The following GALNT13 variants were observed in gnomAD, a reference collection of about 807,000 sequenced individuals.
GALNT13 encodes the protein UDP-GalNAc:polypeptide N-acetylgalactosaminyltransferase 13.
A neutral mutation model predicts 64.2 loss-of-function variants in GALNT13; 28 were observed. The ratio of observed to expected loss-of-function variants is 0.44; its 90% CI spans 0.32 to 0.60. The LOEUF is 0.60. GALNT13 is among the 20% of genes least tolerant of loss of function. The pLI is 0.05. For missense variants in GALNT13, 577 were observed against 669.8 expected, an observed-to-expected ratio of 0.86 and a Z score of 1.53; for synonymous variants, 214 against 224.6, an observed-to-expected ratio of 0.95 and a Z score of 0.42.
At chr2:153,820,845 A>G in the GALNT13 span, among the ~76,000 whole-genome samples, 1 of 152,158 alleles carries the variant, frequency 6.6e-6, no homozygotes, top group Non-Finnish European at 1.5e-5. Flanking sequence ...TGACAAAAGG[A>G]TCAAAACCTT....
intron 1 of GALNT13, among the ~76,000 whole-genome samples, chr2:153,893,881 A>G (rs1687724090): frequency 6.6e-6 from 1 of 152,070 alleles, no homozygotes; most frequent in South Asian, 2.1e-4. Context: ...TGGAAGTGGA[A>G]TGGGTCAAAA....
chr2:153,336,107 C>G, the GALNT13 span, among the ~76,000 whole-genome samples: 1 of 152,172 alleles, frequency 6.6e-6, no homozygotes, highest in South Asian at 2.1e-4. Context: ...TATGATAATG[C>G]CTGGATGCCC....
intron 7 of GALNT13, among the ~76,000 whole-genome samples, chr2:154,250,579 A>G (rs1690015545): frequency 6.6e-6 from 1 of 152,034 alleles, no homozygotes; most frequent in African/African-American, 2.4e-5. Context: ...TATTCCTGAC[A>G]CCTTCTGCCA....
intron 4 of GALNT13, among the ~76,000 whole-genome samples, chr2:154,195,332 A>T (rs1264299882): frequency 6.6e-6 from 1 of 152,160 alleles, no homozygotes; most frequent in African/African-American, 2.4e-5. Context: ...GTGCTATTAA[A>T]AACAGTTTTT....
intron 9 of GALNT13, among the ~76,000 whole-genome samples, chr2:154,333,561 G>A (rs1695281840): frequency 6.6e-6 from 1 of 152,060 alleles, no homozygotes; most frequent in Admixed American, 6.6e-5. Context: ...AAAACAAATT[G>A]CACATCTTCA....
chr2:153,914,200 C>T (rs987593793), intron 2 of GALNT13, among the ~76,000 whole-genome samples: 3 of 152,156 alleles, frequency 2.0e-5, no homozygotes, highest in Admixed American at 2.0e-4. Context: ...GAAGAATGAA[C>T]ATTCTGCTCT....
chr2:153,224,340 G>T, the GALNT13 span, among the ~76,000 whole-genome samples: 2 of 152,062 alleles, frequency 1.3e-5, no homozygotes, highest in Admixed American at 1.3e-4. Context: ...GGGGAAGGGG[G>T]TGGGGAGGAG....
chr2:153,532,365 G>A, the GALNT13 span, among the ~76,000 whole-genome samples: 3 of 152,112 alleles, frequency 2.0e-5, no homozygotes, highest in Non-Finnish European at 2.9e-5. Flanking sequence ...GATGCAGGAA[G>A]CTGTGTCCCA....
chr2:154,445,879 T>A (rs1272715053), intron 12 of GALNT13: 1 of 1,181,490 alleles, frequency 8.5e-7, no homozygotes. Context: ...TCCTGGAGCT[T>A]ATGTTCCTAT....
At chr2:153,170,652 A>T in the GALNT13 span, among the ~76,000 whole-genome samples, 3 of 152,222 alleles carry the variant, frequency 2.0e-5, no homozygotes. Context: ...GGCTAAACAC[A>T]GGCTTTCTGA....
At position 154,139,910 on chromosome 2, in the gene GALNT13, A is replaced by T. The variant is rs1466123768; in HGVS notation, c.143-427A>T. Among the ~76,000 whole-genome samples the T allele has an allele frequency of 2.0e-5, 3 of 152,142 alleles. No homozygotes were observed. In the East Asian group the frequency reaches 5.8e-4, roughly 29 times the overall value. ...TTTAGTTTTGTTTGCCTTTATAAAG[A>T]TGTAATGGCAGTAGATATGTGAAAT... is the stretch of plus-strand genomic sequence containing the variant. On this transcript the variant is annotated intron_variant, in intron 3 of 12. Coordinates refer to ENST00000392825, the MANE Select transcript of GALNT13 (RefSeq NM_052917.4).
At chr2:154,146,243 TAAC>T (rs1683595052) in intron 4 of GALNT13, among the ~76,000 whole-genome samples, 1 of 151,752 alleles carries the variant, frequency 6.6e-6, no homozygotes, top group African/African-American at 2.4e-5. Context: ...TGGGGGATAA[TAAC>T]ACTGTTACAC....
chr2:153,407,214 CAG>C, the GALNT13 span, among the ~76,000 whole-genome samples: 1 of 152,092 alleles, frequency 6.6e-6, no homozygotes, highest in Non-Finnish European at 1.5e-5. Context: ...CCTCCAGAAA[CAG>C]AAACTCAGGA....
chr2:153,339,623 T>C, the GALNT13 span, among the ~76,000 whole-genome samples: 1 of 152,190 alleles, frequency 6.6e-6, no homozygotes, highest in African/African-American at 2.4e-5. Flanking sequence ...TTTAATGCAA[T>C]CCATTTGTTT....
chr2:153,811,529 T>C, the GALNT13 span, among the ~76,000 whole-genome samples: 28 of 152,318 alleles, frequency 1.8e-4, no homozygotes, highest in African/African-American at 6.5e-4. Flanking sequence ...TTTACATGTA[T>C]TTTCGTATTA....
At chr2:153,475,745 C>A in the GALNT13 span, among the ~76,000 whole-genome samples, 28 of 152,090 alleles carry the variant, frequency 1.8e-4, no homozygotes, top group African/African-American at 6.5e-4. Flanking sequence ...CGAATTCTAC[C>A]AGAGTACTGG....
At chr2:153,254,778 T>G in the GALNT13 span, among the ~76,000 whole-genome samples, 32 of 152,322 alleles carry the variant, frequency 2.1e-4, no homozygotes, top group Non-Finnish European at 4.3e-4. Context: ...GTTGAGTGGT[T>G]TTGAGTGAGA....
the GALNT13 span, among the ~76,000 whole-genome samples, chr2:153,752,859 C>T: frequency 6.6e-6 from 1 of 152,196 alleles, no homozygotes; most frequent in Admixed American, 6.5e-5. Flanking sequence ...TCTCTGTCTC[C>T]TCTTTAAGGC....
chr2:153,830,409 G>T, the GALNT13 span, among the ~76,000 whole-genome samples: 1 of 151,982 alleles, frequency 6.6e-6, no homozygotes, highest in Non-Finnish European at 1.5e-5. Context: ...ATTTTTTTAA[G>T]GGTTTAGGAC....
Sources: allele counts gnomAD v4.1 joint callset (sites outside exome capture counted in the v4.1 genomes callset), GRCh38; gene constraint gnomAD v4.1.1; transcripts MANE v1.5; gene names NCBI Gene and HGNC (gene_info 2026-07-23, HGNC 2026-07-21).